The following SAMD12 variants were observed in gnomAD, a reference collection of about 807,000 sequenced individuals.
SAMD12 encodes sterile alpha motif domain containing 12.
SAMD12 carries 9 observed loss-of-function variants against 15.0 expected under a neutral mutation model. The observed-to-expected ratio is 0.60, with a 90% CI of 0.36 to 1.05. SAMD12 has a LOEUF of 1.05. Ranked by LOEUF, SAMD12 falls within the 50% of genes least tolerant of loss-of-function variation. SAMD12 has a pLI of 0.01. For synonymous variants in SAMD12, 86 were observed against 90.1 expected (o/e 0.96, Z 0.25); for missense variants, 230 against 234.2 (o/e 0.98, Z 0.12).
chr8:118,412,605 C>T (rs1174083094), intron 3 of SAMD12, among the ~76,000 whole-genome samples: 1 of 151,988 alleles, frequency 6.6e-6, no homozygotes, highest in African/African-American at 2.4e-5. Context: ...GCATACATTC[C>T]CAGACTAGGT....
intron 4 of SAMD12, among the ~76,000 whole-genome samples, chr8:118,251,687 C>T (rs1043998189): frequency 6.6e-6 from 1 of 152,094 alleles, no homozygotes; most frequent in Non-Finnish European, 1.5e-5. Context: ...TTGGGTCCAG[C>T]AACCATTTGG....
intron 4 of SAMD12, among the ~76,000 whole-genome samples, chr8:118,206,831 T>C (rs1047808405): frequency 6.6e-6 from 1 of 152,230 alleles, no homozygotes; most frequent in African/African-American, 2.4e-5. Context: ...CTGATATTGC[T>C]AGTCTGAGGA....
At chr8:118,480,422 G>A (rs1824093270) in intron 2 of SAMD12, among the ~76,000 whole-genome samples, 1 of 152,162 alleles carries the variant, frequency 6.6e-6, no homozygotes, top group African/African-American at 2.4e-5. Context: ...AGTGTAAGTT[G>A]ATTATGTAAT....
chr8:118,361,478 C>T (rs374935535), intron 4 of SAMD12, among the ~76,000 whole-genome samples: 1 of 152,104 alleles, frequency 6.6e-6, no homozygotes, highest in African/African-American at 2.4e-5. Flanking sequence ...GATACAAAGA[C>T]CATACTCAAT....
chr8:118,345,650 T>C (rs1025472727), intron 4 of SAMD12, among the ~76,000 whole-genome samples: 2 of 152,190 alleles, frequency 1.3e-5, no homozygotes, highest in African/African-American at 4.8e-5. Context: ...GAATTATCTG[T>C]CCAACTAGCC....
At chr8:118,199,997 G>T (rs576970981) in intron 4 of SAMD12, among the ~76,000 whole-genome samples, 7 of 152,054 alleles carry the variant, frequency 4.6e-5, no homozygotes, top group African/African-American at 1.7e-4. Flanking sequence ...TGAACCATGG[G>T]GGCAGTTTCC....
At chr8:118,360,124 T>G (rs1818416273) in intron 4 of SAMD12, among the ~76,000 whole-genome samples, 1 of 152,182 alleles carries the variant, frequency 6.6e-6, no homozygotes. Context: ...AGAAGTCCAC[T>G]GATAAAGAGG....
chr8:118,575,602 T>C (rs144088358), intron 2 of SAMD12, among the ~76,000 whole-genome samples: 38 of 152,280 alleles, frequency 2.5e-4, no homozygotes, highest in African/African-American at 9.1e-4. Context: ...TTCTCAGCTG[T>C]AAAATGGGGA....
intron 2 of SAMD12, among the ~76,000 whole-genome samples, chr8:118,494,496 T>C (rs575967083): frequency 6.6e-6 from 1 of 152,328 alleles, no homozygotes; most frequent in South Asian, 2.1e-4. Flanking sequence ...GTTTGGAATA[T>C]AGAGTCCATA....
intron 2 of SAMD12, among the ~76,000 whole-genome samples, chr8:118,475,267 AC>A: frequency 6.6e-6 from 1 of 151,656 alleles, no homozygotes; most frequent in East Asian, 1.9e-4. Context: ...AATAAAAAGA[AC>A]CTGGTACCTC....
the SAMD12 span, among the ~76,000 whole-genome samples, chr8:118,161,372 C>T: frequency 1.3e-5 from 2 of 151,804 alleles, no homozygotes; most frequent in Admixed American, 6.6e-5. Context: ...TCGCTTGAAC[C>T]CAGGACTTTG....
chr8:118,544,140 C>T (rs1826061801), intron 2 of SAMD12, among the ~76,000 whole-genome samples: 1 of 152,068 alleles, frequency 6.6e-6, no homozygotes, highest in Admixed American at 6.5e-5. Context: ...AATACTCATT[C>T]CAACCTTTTC....
At chr8:118,289,950 T>A (rs912963593) in intron 4 of SAMD12, among the ~76,000 whole-genome samples, 1 of 152,174 alleles carries the variant, frequency 6.6e-6, no homozygotes, top group Non-Finnish European at 1.5e-5. Flanking sequence ...ATTTACAAAA[T>A]TATTCATTCA....
chr8:118,197,534 C>T (rs2514743), exon 5 of SAMD12: 443,592 of 679,100 alleles, frequency 0.65, 145,483 homozygotes, highest in Middle Eastern at 0.71. Context: ...CACAGCAAAG[C>T]AAGATTTTTC....
chr8:118,486,139 G>A (rs1824270470), intron 2 of SAMD12, among the ~76,000 whole-genome samples: 2 of 152,186 alleles, frequency 1.3e-5, no homozygotes, highest in African/African-American at 2.4e-5. Context: ...AGTAGGCTGG[G>A]GGTGGTGGCT....
chr8:118,508,816 C>A lies in SAMD12; in HGVS notation c.193-68855G>T, dbSNP rs530350584. ...GGTGGAGATATGAAAAGGATGAATGCGTTTTCTCAACACTGATTTTATCCT... is the reference window on the plus strand; with the variant it reads ...GGTGGAGATATGAAAAGGATGAATGAGTTTTCTCAACACTGATTTTATCCT... On this transcript the variant is annotated intron_variant, in intron 2 of 3. Transcript: ENST00000314727. Among the ~76,000 whole-genome samples, 3 of 152,242 alleles carry A rather than the reference C, an allele frequency of 2.0e-5. No individual in the cohort carries two copies. In the South Asian group the frequency reaches 6.2e-4, roughly 32 times the overall value.
chr8:118,590,616 G>A (rs1224465799), intron 1 of SAMD12, among the ~76,000 whole-genome samples: 1 of 152,280 alleles, frequency 6.6e-6, no homozygotes, highest in Admixed American at 6.5e-5. Flanking sequence ...CTGGCAGTAA[G>A]TAAGTGGTAT....
intron 2 of SAMD12, among the ~76,000 whole-genome samples, chr8:118,543,116 T>C (rs1340180704): frequency 6.6e-6 from 1 of 152,166 alleles, no homozygotes; most frequent in African/African-American, 2.4e-5. Flanking sequence ...CCTAGTTCCC[T>C]CTCCAAAGAA....
intron 2 of SAMD12, among the ~76,000 whole-genome samples, chr8:118,472,392 A>G (rs60773930): frequency 0.022 from 3,369 of 152,206 alleles, 118 homozygotes; most frequent in African/African-American, 0.077. Context: ...CTGAGTTTCA[A>G]TAAGTATAAA....
Sources: allele counts gnomAD v4.1 joint callset (sites outside exome capture counted in the v4.1 genomes callset), GRCh38; gene constraint gnomAD v4.1.1; transcripts MANE v1.5; gene names NCBI Gene and HGNC (gene_info 2026-07-23, HGNC 2026-07-21).